CAMK2D: variants seen among roughly 807,000 people sequenced by gnomAD.
The protein encoded by CAMK2D is calcium/calmodulin-dependent protein kinase type II subunit delta.
CAMK2D carries 37 observed loss-of-function variants against 84.0 expected under a neutral mutation model. The observed-to-expected ratio is 0.44, with a 90% confidence interval of 0.34 to 0.58. CAMK2D has a LOEUF of 0.58. Among genes scored for constraint, CAMK2D ranks in the 20% least tolerant of loss-of-function variants. The pLI, the probability that CAMK2D is intolerant of heterozygous loss-of-function variation, is 0.02. For missense variants in CAMK2D, 448 were observed against 652.5 expected, an observed-to-expected ratio of 0.69 and a Z score of 3.41; for synonymous variants, 202 against 212.5, an observed-to-expected ratio of 0.95 and a Z score of 0.43.
intron 2 of CAMK2D, among the ~76,000 whole-genome samples, chr4:113,694,265 TCTAGTTTCTTAGC>T (rs2099396556): frequency 6.6e-6 from 1 of 152,174 alleles, no homozygotes; most frequent in African/African-American, 2.4e-5. Context: ...AAAAGGAAGA[TCTAGTTTCTTAGC>T]CACTGATGAT....
At chr4:113,633,841 A>G (rs1287135268) in intron 3 of CAMK2D, among the ~76,000 whole-genome samples, 1 of 152,182 alleles carries the variant, frequency 6.6e-6, no homozygotes, top group Non-Finnish European at 1.5e-5. Flanking sequence ...AAGACAATCC[A>G]TCAGAGGGTT....
intron 16 of CAMK2D, among the ~76,000 whole-genome samples, chr4:113,499,868 G>A (rs1382289544): frequency 6.6e-6 from 1 of 152,164 alleles, no homozygotes; most frequent in African/African-American, 2.4e-5. Context: ...CAGTATGTGT[G>A]TGCAGGGGCA....
chr4:113,620,116 G>A (rs551844047), intron 3 of CAMK2D, among the ~76,000 whole-genome samples: 2 of 152,148 alleles, frequency 1.3e-5, no homozygotes, highest in Non-Finnish European at 2.9e-5. Flanking sequence ...ATAGGGTTGG[G>A]TAAGGATGGA....
At chr4:113,500,214 A>C (rs2098014962) in intron 16 of CAMK2D, among the ~76,000 whole-genome samples, 1 of 152,138 alleles carries the variant, frequency 6.6e-6, no homozygotes. Context: ...TCATTACTGC[A>C]ATGTGCTAGA....
chr4:113,687,985 C>T (rs1000642781), intron 2 of CAMK2D, among the ~76,000 whole-genome samples: 13 of 152,154 alleles, frequency 8.5e-5, no homozygotes, highest in African/African-American at 2.4e-4. Flanking sequence ...AATACACACA[C>T]GGAGAGAAAT....
At chr4:113,560,593 T>G (rs17046240) in intron 4 of CAMK2D, among the ~76,000 whole-genome samples, 7,172 of 152,200 alleles carry the variant, frequency 0.047, 616 homozygotes, top group African/African-American at 0.16. Context: ...CACCCAATAC[T>G]TACCTTTTTA....
chr4:113,545,406 T>C (rs1027105812), intron 6 of CAMK2D, among the ~76,000 whole-genome samples: 6 of 152,176 alleles, frequency 3.9e-5, no homozygotes, highest in African/African-American at 1.2e-4. Flanking sequence ...AACATATTAA[T>C]TAGTATATGG....
chr4:113,659,247 C>T (rs1254410013), intron 3 of CAMK2D, among the ~76,000 whole-genome samples: 1 of 152,174 alleles, frequency 6.6e-6, no homozygotes, highest in Admixed American at 6.5e-5. Flanking sequence ...CAACTTTCTG[C>T]ACAGGAATTG....
intron 2 of CAMK2D, among the ~76,000 whole-genome samples, chr4:113,757,532 T>G (rs1378786579): frequency 6.6e-6 from 1 of 152,076 alleles, no homozygotes; most frequent in Non-Finnish European, 1.5e-5. Flanking sequence ...TACGTTAACC[T>G]ACAACAGGTT....
At chr4:113,603,773 T>TATATATATATATA (rs2098964722) in intron 4 of CAMK2D, among the ~76,000 whole-genome samples, 54 of 127,964 alleles carry the variant, frequency 4.2e-4, no homozygotes, top group African/African-American at 1.7e-3. Flanking sequence ...TCTTGCTATT[T>TATATATATATATA]TATATATATA....
intron 2 of CAMK2D, among the ~76,000 whole-genome samples, chr4:113,752,380 C>G (rs934686190): frequency 6.6e-6 from 1 of 152,074 alleles, no homozygotes; most frequent in Non-Finnish European, 1.5e-5. Context: ...CTTTATACTA[C>G]TTGCTGCACC....
At chr4:113,736,577 A>G (rs1210076945) in intron 2 of CAMK2D, among the ~76,000 whole-genome samples, 1 of 152,180 alleles carries the variant, frequency 6.6e-6, no homozygotes, top group Non-Finnish European at 1.5e-5. Context: ...ATTACTCATA[A>G]AAGTTCAATC....
intron 5 of CAMK2D, among the ~76,000 whole-genome samples, chr4:113,551,559 T>C (rs1163503315): frequency 6.6e-6 from 1 of 152,194 alleles, no homozygotes; most frequent in Non-Finnish European, 1.5e-5. Flanking sequence ...GTCTGGCCAA[T>C]TGGTAGCTAC....
At chr4:113,701,281 T>A (rs911982477) in intron 2 of CAMK2D, among the ~76,000 whole-genome samples, 2 of 152,226 alleles carry the variant, frequency 1.3e-5, no homozygotes, top group African/African-American at 4.8e-5. Context: ...AAGAATTTTT[T>A]ATTTTTTCCC....
chr4:113,551,239 T>C (rs372881024), intron 5 of CAMK2D, among the ~76,000 whole-genome samples: 2 of 152,166 alleles, frequency 1.3e-5, no homozygotes, highest in African/African-American at 4.8e-5. Context: ...GTTACTCCAC[T>C]CCAAAAGTGT....
intron 3 of CAMK2D, among the ~76,000 whole-genome samples, chr4:113,632,098 C>T (rs72617772): frequency 6.6e-6 from 1 of 152,204 alleles, no homozygotes; most frequent in Admixed American, 6.5e-5. Flanking sequence ...ACTTATTATA[C>T]AATCAAAGCC....
intron 3 of CAMK2D, among the ~76,000 whole-genome samples, chr4:113,626,101 C>T (rs2099067186): frequency 1.3e-5 from 2 of 151,512 alleles, no homozygotes; most frequent in Admixed American, 6.6e-5. Flanking sequence ...ATTCTGAATA[C>T]ATTTTGAAAG....
intron 2 of CAMK2D, among the ~76,000 whole-genome samples, chr4:113,697,893 G>A (rs1001579110): frequency 2.0e-5 from 3 of 152,018 alleles, no homozygotes; most frequent in South Asian, 2.1e-4. Context: ...CAAAACTAGC[G>A]AGTCACAATG....
rs1416080405 is a variant in CAMK2D, at chr4:113,662,403, C to T, written c.161-631G>A. Among the ~76,000 whole-genome samples, 67 of 152,088 alleles carry T rather than the reference C, an allele frequency of 4.4e-4. 1 individual carries two copies. Among genetic ancestry groups the T allele is most frequent in the Non-Finnish European group, 2.9e-5 (2 of 67,986 alleles). ...TATAGACTTGTGTTTTAAGAATTAT[C>T]TTAATATTCTTCTTTGATTTTTTGG... On this transcript the variant is annotated intron_variant, in intron 2 of 20. Coordinates refer to ENST00000511664, the MANE Select transcript of CAMK2D (RefSeq NM_001321571.2).
Sources: allele counts gnomAD v4.1 joint callset (sites outside exome capture counted in the v4.1 genomes callset), GRCh38; gene constraint gnomAD v4.1.1; transcripts MANE v1.5; gene names NCBI Gene and HGNC (gene_info 2026-07-23, HGNC 2026-07-21).